CDH12: variants seen among roughly 807,000 people sequenced by gnomAD.
CDH12 encodes the protein cadherin 12.
Under a neutral mutation model 74.1 loss-of-function variants are expected in CDH12, and 41 were observed. The observed-to-expected ratio is 0.55, with a 90% CI of 0.43 to 0.72. The LOEUF is 0.72. Among genes scored for constraint, CDH12 ranks in the 30% least tolerant of loss-of-function variants. CDH12 has a pLI of 0.00. For synonymous variants in CDH12, 399 were observed against 355.0 expected, an observed-to-expected ratio of 1.12 and a Z score of -1.39; for missense variants, 945 against 977.2, an observed-to-expected ratio of 0.97 and a Z score of 0.44.
chr5:22,274,424 A>G (rs905125556), intron 3 of CDH12, among the ~76,000 whole-genome samples: 3 of 152,180 alleles, frequency 2.0e-5, no homozygotes, highest in African/African-American at 4.8e-5. Flanking sequence ...AAATTAATTT[A>G]TAAGATTTAG....
chr5:22,789,690 G>A (rs962939653), intron 1 of CDH12, among the ~76,000 whole-genome samples: 1 of 151,840 alleles, frequency 6.6e-6, no homozygotes. Flanking sequence ...TAGGTTTCCT[G>A]GTTGATAAAT....
chr5:22,162,707 A>T (rs1365516007), intron 4 of CDH12, among the ~76,000 whole-genome samples: 1 of 152,022 alleles, frequency 6.6e-6, no homozygotes, highest in Non-Finnish European at 1.5e-5. Context: ...AAACACCCAC[A>T]TCCAACTCCT....
intron 2 of CDH12, among the ~76,000 whole-genome samples, chr5:22,437,568 A>AATAAATAAATAT: frequency 6.6e-6 from 1 of 151,656 alleles, no homozygotes; most frequent in African/African-American, 2.4e-5. Flanking sequence ...TAAATAAATA[A>AATAAATAAATAT]ATAAAAATAA....
chr5:22,357,655 A>AG (rs2150470296), intron 3 of CDH12, among the ~76,000 whole-genome samples: 1 of 152,270 alleles, frequency 6.6e-6, no homozygotes, highest in South Asian at 2.1e-4. Context: ...TCTATTCCCA[A>AG]GGGGGATATA....
At chr5:21,850,941 T>C (rs528263962) in intron 7 of CDH12, among the ~76,000 whole-genome samples, 1 of 151,298 alleles carries the variant, frequency 6.6e-6, no homozygotes, top group South Asian at 2.1e-4. Context: ...CGGAGAGAAA[T>C]GTTTTGGCTA....
At chr5:22,540,255 TGA>T (rs1222227037) in intron 1 of CDH12, among the ~76,000 whole-genome samples, 1 of 152,024 alleles carries the variant, frequency 6.6e-6, no homozygotes, top group Non-Finnish European at 1.5e-5. Context: ...ATAAAGAGGA[TGA>T]GTTTGTTGAT....
intron 1 of CDH12, among the ~76,000 whole-genome samples, chr5:22,693,898 A>G (rs1742214025): frequency 6.6e-6 from 1 of 151,976 alleles, no homozygotes; most frequent in Admixed American, 6.6e-5. Flanking sequence ...TTATTTTGAA[A>G]TATTTAGTTA....
At chr5:22,641,007 A>C (rs1380507352) in intron 1 of CDH12, among the ~76,000 whole-genome samples, 1 of 151,992 alleles carries the variant, frequency 6.6e-6, no homozygotes, top group Non-Finnish European at 1.5e-5. Flanking sequence ...ACTTCACTTC[A>C]CCCTCACCTG....
At chr5:22,174,836 A>G (rs1458386883) in intron 4 of CDH12, among the ~76,000 whole-genome samples, 1 of 152,000 alleles carries the variant, frequency 6.6e-6, no homozygotes, top group Non-Finnish European at 1.5e-5. Flanking sequence ...ATGTCAACTC[A>G]ATTTGCAAAG....
rs140398918 is a variant in CDH12 at position 21,972,685 on chromosome 5, C to T, written c.526+2406G>A. ...GCAGATACCACAACTATAATTGGGT[C>T]TCCTTGTTTTTTGTTTTATGTGTAT... On this transcript the variant is annotated intron_variant, in intron 6 of 14. Transcript: ENST00000382254. Among the ~76,000 whole-genome samples, 767 of 152,070 alleles carry T rather than the reference C, an allele frequency of 5.0e-3. 5 individuals carry two copies. The highest frequency in any genetic ancestry group is 0.017 in the African/African-American group (712 of 41,498).
chr5:22,087,757 G>T (rs548955145), intron 4 of CDH12, among the ~76,000 whole-genome samples: 2 of 152,304 alleles, frequency 1.3e-5, no homozygotes, highest in Non-Finnish European at 2.9e-5. Flanking sequence ...ATTTAACCAT[G>T]TGTTGAAGAA....
chr5:21,850,281 A>G (rs1209528227), intron 7 of CDH12, among the ~76,000 whole-genome samples: 1 of 151,590 alleles, frequency 6.6e-6, no homozygotes, highest in African/African-American at 2.4e-5. Flanking sequence ...GATTTTTGCT[A>G]AACGAGTAGA....
chr5:21,881,638 C>T (rs1752361772), intron 6 of CDH12, among the ~76,000 whole-genome samples: 1 of 152,084 alleles, frequency 6.6e-6, no homozygotes, highest in Non-Finnish European at 1.5e-5. Context: ...ATACACTACT[C>T]ATTTTTGTTT....
At chr5:22,728,709 C>G (rs944892662) in intron 1 of CDH12, among the ~76,000 whole-genome samples, 1 of 151,788 alleles carries the variant, frequency 6.6e-6, no homozygotes, top group African/African-American at 2.4e-5. Flanking sequence ...AGGAGTCAGC[C>G]TCCTAATTTG....
chr5:21,916,136 T>C (rs984548133), intron 6 of CDH12, among the ~76,000 whole-genome samples: 5 of 152,038 alleles, frequency 3.3e-5, no homozygotes, highest in African/African-American at 1.2e-4. Flanking sequence ...AAGACAATTA[T>C]AATAATAATG....
chr5:22,773,062 A>T (rs1186905592), intron 1 of CDH12, among the ~76,000 whole-genome samples: 1 of 152,132 alleles, frequency 6.6e-6, no homozygotes, highest in East Asian at 1.9e-4. Context: ...CAATATTTTT[A>T]AAATGGCCAT....
chr5:22,302,009 G>GGA (rs36001047), intron 3 of CDH12, among the ~76,000 whole-genome samples: 63,992 of 145,248 alleles, frequency 0.44, 14,327 homozygotes, highest in Admixed American at 0.54. Context: ...ATATATATAT[G>GGA]GAGAGAGAGA....
rs201513323 is a variant in CDH12, at chr5:21,880,616, C to CTTCTTTCTTTCTTTCTTTCT, written c.527-25846_527-25827dup. On this transcript the variant is annotated intron_variant, in intron 6 of 14. Transcript: ENST00000382254. ...CCTTCCTTCCTTCCTTCCTTCCTTCCTTCTTTCTTTCTTTCTTTCTTTCTT... is the reference window on the plus strand; with the variant it reads ...CCTTCCTTCCTTCCTTCCTTCCTTCCTTCTTTCTTTCTTTCTTTCTTTCTTTCTTTCTTTCTTTCTTTCTT... Among the ~76,000 whole-genome samples, 13 of 50,862 alleles carry CTTCTTTCTTTCTTTCTTTCT rather than the reference C, an allele frequency of 2.6e-4. 1 individual carries two copies. Among genetic ancestry groups the CTTCTTTCTTTCTTTCTTTCT allele is most frequent in the South Asian group, 9.3e-4 (1 of 1,080 alleles). 33.4% of individuals were successfully genotyped at this position (50,862 alleles called of 152,430 possible).
At chr5:22,485,461 G>T (rs1446799955) in intron 2 of CDH12, among the ~76,000 whole-genome samples, 1 of 152,142 alleles carries the variant, frequency 6.6e-6, no homozygotes, top group East Asian at 1.9e-4. Context: ...AATGTGCAGG[G>T]ATTATAGGAA....
Sources: allele counts gnomAD v4.1 joint callset (sites outside exome capture counted in the v4.1 genomes callset), GRCh38; gene constraint gnomAD v4.1.1; transcripts MANE v1.5; gene names NCBI Gene and HGNC (gene_info 2026-07-23, HGNC 2026-07-21).